The following MRTFB variants were observed in gnomAD, a reference collection of about 807,000 sequenced individuals.
MRTFB encodes the protein myocardin related transcription factor B, also known as myocardin-related transcription factor B.
Under a neutral mutation model 104.2 loss-of-function variants are expected in MRTFB, and 29 were observed. That is an observed-to-expected ratio of 0.28 (90% CI 0.21 to 0.38). The LOEUF (loss-of-function observed/expected upper bound fraction) is 0.38, where lower values mean the gene tolerates loss of function less well. MRTFB is among the 10% of genes least tolerant of loss of function. MRTFB has a pLI of 1.00. For synonymous variants in MRTFB, 535 were observed against 519.5 expected (o/e 1.03, Z -0.41); for missense variants, 1,270 against 1,341.6 (o/e 0.95, Z 0.83).
chr16:14,113,492 T>C (rs2036382105), intron 2 of MRTFB, among the ~76,000 whole-genome samples: 1 of 152,206 alleles, frequency 6.6e-6, no homozygotes, highest in African/African-American at 2.4e-5. Context: ...AGGAAATGAT[T>C]TATTCGCAGT....
the MRTFB span, among the ~76,000 whole-genome samples, chr16:14,059,016 G>A: frequency 3.3e-5 from 5 of 151,754 alleles, no homozygotes; most frequent in South Asian, 2.1e-4. Flanking sequence ...CACCGCCCCC[G>A]GCCCAAAGTA....
intron 8 of MRTFB, among the ~76,000 whole-genome samples, chr16:14,232,058 C>T (rs1410455751): frequency 6.6e-6 from 1 of 152,136 alleles, no homozygotes; most frequent in Non-Finnish European, 1.5e-5. Flanking sequence ...ATAAATATTA[C>T]ATTTGATACT....
the MRTFB span, among the ~76,000 whole-genome samples, chr16:14,051,904 T>C: frequency 6.6e-6 from 1 of 152,192 alleles, no homozygotes; most frequent in Non-Finnish European, 1.5e-5. Flanking sequence ...TTCAACTCTC[T>C]GATTTTGAGC....
intron 2 of MRTFB, among the ~76,000 whole-genome samples, chr16:14,122,549 C>T (rs1031423217): frequency 1.3e-5 from 2 of 152,162 alleles, no homozygotes; most frequent in Middle Eastern, 3.4e-3. Context: ...GTTTTCTGTT[C>T]TTATGTTAGT....
chr16:14,252,072 A>G, intron 14 of MRTFB, 49 bp downstream of exon 14: 3 of 1,590,378 alleles, frequency 1.9e-6, no homozygotes, highest in East Asian at 2.2e-5. Context: ...AGGGGCATCA[A>G]ATCATTCCAA....
chr16:14,125,751 C>G (rs2037076166), intron 2 of MRTFB, among the ~76,000 whole-genome samples: 1 of 152,130 alleles, frequency 6.6e-6, no homozygotes, highest in African/African-American at 2.4e-5. Flanking sequence ...TTATAATATG[C>G]TGAGGTCATT....
the MRTFB span, among the ~76,000 whole-genome samples, chr16:14,003,078 C>T: frequency 1.3e-5 from 2 of 152,054 alleles, no homozygotes; most frequent in Non-Finnish European, 2.9e-5. Context: ...CCTTGAGGGG[C>T]CACAAAGATG....
At chr16:14,110,720 C>A (rs1395695080) in intron 2 of MRTFB, among the ~76,000 whole-genome samples, 1 of 152,064 alleles carries the variant, frequency 6.6e-6, no homozygotes, top group Non-Finnish European at 1.5e-5. Context: ...TGTCTTTTTC[C>A]TTTCTCCTCC....
chr16:14,186,466 C>T (rs753036957), intron 3 of MRTFB, among the ~76,000 whole-genome samples: 3 of 152,186 alleles, frequency 2.0e-5, no homozygotes, highest in Non-Finnish European at 1.5e-5. Flanking sequence ...CCACAGGCAG[C>T]AATTTGTCTT....
At chr16:14,060,135 T>C in the MRTFB span, among the ~76,000 whole-genome samples, 1 of 150,334 alleles carries the variant, frequency 6.7e-6, no homozygotes, top group Non-Finnish European at 1.5e-5. Context: ...GCTTCCAGAG[T>C]AGCTGGGATT....
At chr16:14,014,472 C>T in the MRTFB span, among the ~76,000 whole-genome samples, 2 of 151,868 alleles carry the variant, frequency 1.3e-5, no homozygotes, top group Non-Finnish European at 2.9e-5. Flanking sequence ...AGGAGAATTG[C>T]TTGAACCTGG....
intron 3 of MRTFB, among the ~76,000 whole-genome samples, chr16:14,174,991 T>G (rs554948932): frequency 6.6e-6 from 1 of 152,316 alleles, no homozygotes; most frequent in Admixed American, 6.5e-5. Flanking sequence ...ATCATTTTCA[T>G]GGTTTAGATG....
At chr16:14,072,677 C>T (rs75923192) in intron 1 of MRTFB, among the ~76,000 whole-genome samples, 2,148 of 152,138 alleles carry the variant, frequency 0.014, 21 homozygotes, top group Non-Finnish European at 0.022. Flanking sequence ...AGAGTGAGGC[C>T]GCTACTTCAG....
intron 8 of MRTFB, among the ~76,000 whole-genome samples, chr16:14,232,350 G>T (rs757059086): frequency 1.7e-4 from 26 of 152,150 alleles, no homozygotes; most frequent in Admixed American, 1.3e-3. Flanking sequence ...AACCAACCAC[G>T]TAAAGTCATA....
At chr16:14,006,964 C>G in the MRTFB span, among the ~76,000 whole-genome samples, 9 of 152,096 alleles carry the variant, frequency 5.9e-5, no homozygotes, top group South Asian at 4.1e-4. Context: ...CTGCAGTGAG[C>G]TATGATCGCA....
chr16:14,001,513 G>A, the MRTFB span, among the ~76,000 whole-genome samples: 36 of 152,294 alleles, frequency 2.4e-4, no homozygotes, highest in African/African-American at 8.4e-4. Flanking sequence ...GCCCGAGGTG[G>A]GTCCAGTCTG....
In MRTFB at chr16:14,141,085, A is replaced by T. The variant is rs1023735131; in HGVS notation, c.154+325A>T. 117 of 249,216 alleles carry T rather than the reference A, an allele frequency of 4.7e-4. 1 individual carries two copies. Among genetic ancestry groups the T allele is most frequent in the Middle Eastern group, 2.8e-3 (2 of 708 alleles). The allele number at this position is 249,216 out of a possible 1,614,324, so 15.4% of individuals were successfully genotyped here. ...TCCTGTGCTGATGCCGGGGAAGTAC[A>T]TTGTGGATATGACTGCATTCTCCTC... On this transcript the variant is annotated intron_variant, in intron 3 of 16. Transcript: ENST00000571589.
At chr16:14,108,889 T>C (rs2036134771) in intron 2 of MRTFB, among the ~76,000 whole-genome samples, 1 of 152,186 alleles carries the variant, frequency 6.6e-6, no homozygotes, top group Admixed American at 6.5e-5. Context: ...ATTTGGGACT[T>C]TTAAGGCCAG....
At chr16:14,199,214 T>C (rs2040573918) in intron 3 of MRTFB, among the ~76,000 whole-genome samples, 1 of 152,238 alleles carries the variant, frequency 6.6e-6, no homozygotes, top group Non-Finnish European at 1.5e-5. Context: ...CACACCCTCC[T>C]GGTTCCCTCC....
Sources: gnomAD v4.1 joint callset for allele counts (sites outside exome capture counted in the v4.1 genomes callset) on GRCh38, gnomAD v4.1.1 for gene constraint, MANE v1.5 for transcripts, NCBI Gene and HGNC (gene_info 2026-07-23, HGNC 2026-07-21) for gene names.